The following HS1BP3 variants were observed in gnomAD, a reference collection of about 807,000 sequenced individuals.
HS1BP3 encodes HCLS1 binding protein 3, also known as HCLS1-binding protein 3.
Under a neutral mutation model 33.5 loss-of-function variants are expected in HS1BP3, and 32 were observed. That is an observed-to-expected ratio of 0.95 (90% CI 0.72 to 1.28). The LOEUF (loss-of-function observed/expected upper bound fraction) is 1.28, where lower values mean the gene tolerates loss of function less well. Ranked by LOEUF, HS1BP3 falls within the 50% of genes most tolerant of loss-of-function variation. The pLI is 0.00. For synonymous variants in HS1BP3, 187 were observed against 209.2 expected, an observed-to-expected ratio of 0.89 and a Z score of 0.92; for missense variants, 486 against 502.3, an observed-to-expected ratio of 0.97 and a Z score of 0.31.
chr2:20,576,128 G>A (rs1693394348), intron 5 of HS1BP3, among the ~76,000 whole-genome samples: 1 of 152,146 alleles, frequency 6.6e-6, no homozygotes, highest in African/African-American at 2.4e-5. Flanking sequence ...ACAGGTATAT[G>A]TCACCATGAC....
intron 5 of HS1BP3, among the ~76,000 whole-genome samples, chr2:20,586,917 T>C (rs781402643): frequency 5.9e-5 from 9 of 152,244 alleles, no homozygotes; most frequent in Non-Finnish European, 1.2e-4. Context: ...ACTGGCTTTA[T>C]TGGTGTTACC....
At chr2:20,598,560 T>C (rs1298422903) in intron 2 of HS1BP3, among the ~76,000 whole-genome samples, 6 of 119,264 alleles carry the variant, frequency 5.0e-5, no homozygotes, top group Non-Finnish European at 8.7e-5. Context: ...TTTTTTTTTT[T>C]TTTTTTTTTT....
chr2:20,600,807 G>A (rs1445124538), intron 2 of HS1BP3, among the ~76,000 whole-genome samples: 45 of 151,752 alleles, frequency 3.0e-4, no homozygotes, highest in Admixed American at 2.9e-3. Context: ...TTCTTCCTTT[G>A]GTTTATCTGT....
At chr2:20,560,304 G>A (rs1047568348), downstream of HS1BP3, 4 of 152,266 alleles carry the variant, frequency 2.6e-5, no homozygotes, top group African/African-American at 9.7e-5. Context: ...GCAGAACCTG[G>A]GGCAGCACCC....
chr2:20,573,174 G>A (rs1214373419), intron 5 of HS1BP3, among the ~76,000 whole-genome samples: 1 of 152,170 alleles, frequency 6.6e-6, no homozygotes, highest in Non-Finnish European at 1.5e-5. Context: ...TAATTAAGCT[G>A]AAGGTCTTGG....
intron 3 of HS1BP3, chr2:20,640,196 T>C (rs7606003): frequency 0.12 from 18,938 of 152,288 alleles, 1,683 homozygotes; most frequent in African/African-American, 0.25. Flanking sequence ...AGAACCTGCC[T>C]TGTCCTGGGG....
At chr2:20,560,291 G>A (rs1692958722), downstream of HS1BP3, among the ~76,000 whole-genome samples, 1 of 152,172 alleles carries the variant, frequency 6.6e-6, no homozygotes, top group South Asian at 2.1e-4. Context: ...GGGTGGGTAG[G>A]TGGCAGAACC....
chr2:20,554,524 A>T, the HS1BP3 span, among the ~76,000 whole-genome samples: 1 of 152,122 alleles, frequency 6.6e-6, no homozygotes, highest in Non-Finnish European at 1.5e-5. Flanking sequence ...GGAGTTCGAG[A>T]CCAGCCTGGC....
At chr2:20,605,834 T>C (rs1051946091) in intron 2 of HS1BP3, among the ~76,000 whole-genome samples, 59 of 152,364 alleles carry the variant, frequency 3.9e-4, no homozygotes, top group African/African-American at 1.4e-3. Context: ...CCACATTTTG[T>C]TGATTTGTTC....
intron 5 of HS1BP3, among the ~76,000 whole-genome samples, chr2:20,582,434 T>G (rs1302204413): frequency 3.3e-5 from 5 of 150,314 alleles, no homozygotes; most frequent in African/African-American, 1.2e-4. Flanking sequence ...GGTGGGCCTC[T>G]CAGGCAGCAC....
chr2:20,644,451 G>A (rs577409911), intron 2 of HS1BP3, among the ~76,000 whole-genome samples: 22 of 152,208 alleles, frequency 1.4e-4, no homozygotes, highest in African/African-American at 4.3e-4. Flanking sequence ...TACATCTCAG[G>A]CCTGAGCTCG....
chr2:20,569,860 C>T (rs548649701), intron 5 of HS1BP3, among the ~76,000 whole-genome samples: 2 of 152,350 alleles, frequency 1.3e-5, no homozygotes, highest in East Asian at 3.9e-4. Context: ...GCCCCACCGC[C>T]TCTCTCTACT....
At chr2:20,578,665 T>C (rs1032966777) in intron 5 of HS1BP3, among the ~76,000 whole-genome samples, 2 of 152,188 alleles carry the variant, frequency 1.3e-5, no homozygotes, top group Non-Finnish European at 2.9e-5. Flanking sequence ...GGACCACCAT[T>C]CACTGAGGGC....
intron 4 of HS1BP3, among the ~76,000 whole-genome samples, chr2:20,627,945 AG>A (rs1474325374): frequency 6.6e-6 from 1 of 152,182 alleles, no homozygotes; most frequent in African/African-American, 2.4e-5. Context: ...GGTGGAGGAC[AG>A]GTAGGCAGGG....
At chr2:20,585,227 G>A (rs1463575706) in intron 5 of HS1BP3, among the ~76,000 whole-genome samples, 2 of 152,168 alleles carry the variant, frequency 1.3e-5, no homozygotes, top group African/African-American at 4.8e-5. Flanking sequence ...CAGCTGTGGA[G>A]AGAGCTCACA....
intron 5 of HS1BP3, among the ~76,000 whole-genome samples, chr2:20,561,362 A>T (rs918446072): frequency 1.3e-5 from 2 of 152,192 alleles, no homozygotes; most frequent in African/African-American, 4.8e-5. Context: ...TGCCCAATAC[A>T]CATTTGCAGA....
At chr2:20,592,620 C>G (rs1693844334) in exon 4 of HS1BP3, 1 of 153,604 alleles carries the variant, frequency 6.5e-6, no homozygotes, top group South Asian at 2.1e-4. Flanking sequence ...CTCTCACAGC[C>G]CTGGAGGCCA....
At chr2:20,591,220 G>A (rs938452607), downstream of HS1BP3, 6 of 167,176 alleles carry the variant, frequency 3.6e-5, no homozygotes, top group Non-Finnish European at 8.8e-5. Context: ...GTGTTCTTGG[G>A]TGCTGCCAGC....
chr2:20,558,885 G>C (rs941306341), downstream of HS1BP3, among the ~76,000 whole-genome samples: 1 of 152,166 alleles, frequency 6.6e-6, no homozygotes, highest in African/African-American at 2.4e-5. Flanking sequence ...ACATCTCAGG[G>C]GCAGGTCTGA....
Sources: allele counts gnomAD v4.1 joint callset (sites outside exome capture counted in the v4.1 genomes callset), GRCh38; gene constraint gnomAD v4.1.1; transcripts MANE v1.5; gene names NCBI Gene and HGNC (gene_info 2026-07-23, HGNC 2026-07-21).